TRHDE: variants seen among roughly 807,000 people sequenced by gnomAD.
The protein encoded by TRHDE is thyrotropin-releasing hormone-degrading ectoenzyme.
In TRHDE, 72 loss-of-function variants were observed where a neutral mutation model predicts 125.7. The ratio of observed to expected loss-of-function variants is 0.57; its 90% CI spans 0.47 to 0.70. The LOEUF is 0.70. TRHDE is among the 30% of genes least tolerant of loss of function. TRHDE has a pLI of 0.00. For missense variants in TRHDE, 1,110 were observed against 1,327.1 expected (o/e 0.84, Z 2.54); for synonymous variants, 509 against 509.1 (o/e 1.00, Z 0.00).
chr12:72,519,334 T>G (rs184722197), intron 6 of TRHDE, among the ~76,000 whole-genome samples: 4 of 152,318 alleles, frequency 2.6e-5, no homozygotes, highest in African/African-American at 7.2e-5. Context: ...CTTGGCGGCT[T>G]TACTCATTTC....
intron 1 of TRHDE, among the ~76,000 whole-genome samples, chr12:72,100,473 TA>T (rs1350577085): frequency 6.6e-6 from 1 of 152,222 alleles, no homozygotes; most frequent in Non-Finnish European, 1.5e-5. Flanking sequence ...TTACCATTAA[TA>T]AATGTTTACT....
chr12:72,310,866 T>A (rs1868511148), intron 2 of TRHDE, among the ~76,000 whole-genome samples: 1 of 152,142 alleles, frequency 6.6e-6, no homozygotes, highest in Non-Finnish European at 1.5e-5. Context: ...ATGTATAGAA[T>A]GTCACAATTT....
chr12:72,251,184 A>G (rs1878676177), intron 2 of TRHDE, among the ~76,000 whole-genome samples: 1 of 151,978 alleles, frequency 6.6e-6, no homozygotes, highest in African/African-American at 2.4e-5. Context: ...GTTTAATTCT[A>G]TGCAATTTTA....
intron 10 of TRHDE, among the ~76,000 whole-genome samples, chr12:72,569,890 C>G (rs935830705): frequency 2.3e-4 from 35 of 152,040 alleles, no homozygotes; most frequent in Non-Finnish European, 4.7e-4. Flanking sequence ...TTCACACTTC[C>G]TGTATTATTT....
At chr12:72,382,409 G>T (rs531790282) in intron 3 of TRHDE, among the ~76,000 whole-genome samples, 14 of 152,020 alleles carry the variant, frequency 9.2e-5, no homozygotes, top group African/African-American at 3.4e-4. Flanking sequence ...TCAGTGGGGA[G>T]GATTCTGGGA....
chr12:72,244,715 C>A (rs1018053057), intron 2 of TRHDE, among the ~76,000 whole-genome samples: 1 of 151,830 alleles, frequency 6.6e-6, no homozygotes, highest in Non-Finnish European at 1.5e-5. Context: ...ATACTTTAAA[C>A]ATAACAATAT....
chr12:72,124,681 C>A (rs938123227), intron 2 of TRHDE, among the ~76,000 whole-genome samples: 4 of 152,138 alleles, frequency 2.6e-5, no homozygotes, highest in Non-Finnish European at 5.9e-5. Flanking sequence ...TACGGTGGAA[C>A]ATTTAGATTA....
At chr12:72,148,274 A>G (rs370724997) in intron 2 of TRHDE, among the ~76,000 whole-genome samples, 139 of 152,358 alleles carry the variant, frequency 9.1e-4, no homozygotes, top group African/African-American at 3.1e-3. Flanking sequence ...TAAAGAATCC[A>G]ACAGCATTAG....
chr12:72,665,598 G>A lies in TRHDE; in HGVS notation c.*2403G>A, dbSNP rs996327875. The A allele has an allele frequency of 1.3e-5, 2 of 151,814 alleles. No individual in the cohort carries two copies. Among genetic ancestry groups the A allele is most frequent in the African/African-American group, 4.8e-5 (2 of 41,350 alleles). 9.4% of individuals were successfully genotyped at this position (151,814 alleles called of 1,614,324 possible). A position where few individuals can be genotyped will look rare whatever the true frequency, so the allele number is the denominator to read the frequency against. On this transcript the variant is annotated 3_prime_UTR_variant, in exon 19 of 19. Transcript: ENST00000261180. ...AATAAAATAACCAATGATATCTCTT[G>A]GAATAATCTGTAAAACGTAGTTATA... is the stretch of plus-strand genomic sequence containing the variant.
intron 5 of TRHDE, among the ~76,000 whole-genome samples, chr12:72,494,151 G>A (rs1877804831): frequency 6.6e-6 from 1 of 151,926 alleles, no homozygotes; most frequent in East Asian, 1.9e-4. Context: ...GGATGCTGAG[G>A]TCTAAAAAGT....
intron 3 of TRHDE, among the ~76,000 whole-genome samples, chr12:72,397,093 T>C (rs1872824634): frequency 6.6e-6 from 1 of 152,198 alleles, no homozygotes; most frequent in Non-Finnish European, 1.5e-5. Flanking sequence ...GAACTCTTCT[T>C]TCACCCGTCA....
intron 12 of TRHDE, chr12:72,582,090 A>G (rs1219823029): frequency 2.0e-5 from 5 of 251,018 alleles, no homozygotes; most frequent in Non-Finnish European, 2.8e-5. Context: ...CGACAGAGCG[A>G]GACTCCGTCT....
intron 15 of TRHDE, among the ~76,000 whole-genome samples, chr12:72,646,276 G>C (rs1244725540): frequency 6.6e-6 from 1 of 151,894 alleles, no homozygotes; most frequent in East Asian, 1.9e-4. Flanking sequence ...GTTGTTATCA[G>C]CTTAAAATAG....
chr12:72,410,753 A>ATGTC (rs1873460900), intron 3 of TRHDE, among the ~76,000 whole-genome samples: 1 of 152,156 alleles, frequency 6.6e-6, no homozygotes, highest in African/African-American at 2.4e-5. Context: ...AATCAAACCT[A>ATGTC]AAATGACATT....
At chr12:72,340,502 T>C (rs1044607737) in intron 2 of TRHDE, among the ~76,000 whole-genome samples, 3 of 152,198 alleles carry the variant, frequency 2.0e-5, no homozygotes, top group African/African-American at 7.2e-5. Context: ...TGGCTTATAC[T>C]AGAAATGTGC....
At chr12:72,222,223 A>T (rs1017634295) in intron 2 of TRHDE, among the ~76,000 whole-genome samples, 1 of 152,100 alleles carries the variant, frequency 6.6e-6, no homozygotes, top group Non-Finnish European at 1.5e-5. Context: ...TGCTTTTCTG[A>T]TGGAAGGGTT....
intron 4 of TRHDE, 51 bp downstream of exon 4, chr12:72,469,963 G>A (rs866546382): frequency 6.4e-7 from 1 of 1,562,934 alleles, no homozygotes; most frequent in African/African-American, 1.4e-5. Context: ...TATTGAAAAT[G>A]ATTTTGAATA....
At chr12:72,367,441 C>T (rs1171147406) in intron 2 of TRHDE, among the ~76,000 whole-genome samples, 1 of 152,102 alleles carries the variant, frequency 6.6e-6, no homozygotes, top group East Asian at 1.9e-4. Context: ...TTCCTCCTTC[C>T]AGCTTCTTCT....
intron 2 of TRHDE, among the ~76,000 whole-genome samples, chr12:72,306,427 C>T (rs1206274226): frequency 6.6e-6 from 1 of 152,132 alleles, no homozygotes; most frequent in African/African-American, 2.4e-5. Context: ...TTTTATGATA[C>T]ATAAAATTCT....
Sources: allele counts gnomAD v4.1 joint callset (sites outside exome capture counted in the v4.1 genomes callset), GRCh38; gene constraint gnomAD v4.1.1; transcripts MANE v1.5; gene names NCBI Gene and HGNC (gene_info 2026-07-23, HGNC 2026-07-21).